Variants in ADAMTS18 observed in about 807,000 individuals in gnomAD.
ADAMTS18 encodes A disintegrin and metalloproteinase with thrombospondin motifs 18.
A neutral mutation model predicts 165.9 loss-of-function variants in ADAMTS18; 157 were observed. That is an observed-to-expected ratio of 0.95 (90% confidence interval 0.83 to 1.08). ADAMTS18 has a LOEUF of 1.08. ADAMTS18 is among the 50% of genes least tolerant of loss of function. The probability of loss-of-function intolerance (pLI) is 0.00; values close to 1 mark genes in which losing one functional copy is unlikely to be tolerated. For missense variants in ADAMTS18, 2,040 were observed against 1,534.0 expected, an observed-to-expected ratio of 1.33 and a Z score of -5.51; for synonymous variants, 782 against 578.2, an observed-to-expected ratio of 1.35 and a Z score of -5.06.
At chr16:77,290,347 A>C (rs1205698409) in intron 21 of ADAMTS18, among the ~76,000 whole-genome samples, 1 of 152,214 alleles carries the variant, frequency 6.6e-6, no homozygotes, top group Non-Finnish European at 1.5e-5. Context: ...AACTTTATAA[A>C]AACAGGCAGG....
chr16:77,295,155 T>C (rs1202308364), intron 18 of ADAMTS18, 28 bp from the exon 19 acceptor site: 2 of 1,613,150 alleles, frequency 1.2e-6, no homozygotes, highest in East Asian at 2.2e-5. Flanking sequence ...ACATTACCAA[T>C]GAAGCCAAAC....
At chr16:77,373,698 C>T in intron 3 of ADAMTS18, among the ~76,000 whole-genome samples, 1 of 151,998 alleles carries the variant, frequency 6.6e-6, no homozygotes, top group Non-Finnish European at 1.5e-5. Context: ...ACCATCTGTC[C>T]CCCAAAAACC....
chr16:77,420,695 T>C (rs993796499), intron 3 of ADAMTS18, among the ~76,000 whole-genome samples: 1 of 152,242 alleles, frequency 6.6e-6, no homozygotes, highest in African/African-American at 2.4e-5. Flanking sequence ...TGTAGAGATA[T>C]TCATTAGCAT....
At chr16:77,392,634 G>A (rs1021812792) in intron 3 of ADAMTS18, among the ~76,000 whole-genome samples, 6 of 152,084 alleles carry the variant, frequency 3.9e-5, no homozygotes, top group Non-Finnish European at 8.8e-5. Flanking sequence ...ACACTAGAGT[G>A]CAGGCACCAG....
chr16:77,349,603 C>G (rs148057422), intron 10 of ADAMTS18, among the ~76,000 whole-genome samples: 21 of 150,014 alleles, frequency 1.4e-4, no homozygotes, highest in African/African-American at 4.9e-4. Context: ...CTACCCTGCT[C>G]TTACATGAAA....
chr16:77,396,142 T>C (rs1342793332), intron 3 of ADAMTS18, among the ~76,000 whole-genome samples: 1 of 152,204 alleles, frequency 6.6e-6, no homozygotes, highest in African/African-American at 2.4e-5. Flanking sequence ...GACCAAGCTC[T>C]GTTACTAAAT....
chr16:77,398,981 T>C (rs574109822), intron 3 of ADAMTS18, among the ~76,000 whole-genome samples: 102 of 152,246 alleles, frequency 6.7e-4, no homozygotes, highest in African/African-American at 2.3e-3. Flanking sequence ...TATGTAGAAA[T>C]AGAACTGACA....
chr16:77,429,123 G>A (rs1003004064), intron 3 of ADAMTS18, among the ~76,000 whole-genome samples: 3 of 152,146 alleles, frequency 2.0e-5, no homozygotes, highest in African/African-American at 7.2e-5. Flanking sequence ...CTACCATAAA[G>A]ACACATGCAT....
intron 17 of ADAMTS18, 166 bp downstream of exon 17, chr16:77,300,097 G>A: frequency 1.3e-6 from 1 of 778,548 alleles, no homozygotes; most frequent in Non-Finnish European, 2.0e-6. Context: ...TACCACATAG[G>A]AAAACCCTTA....
At position 77,353,744 on chromosome 16, in the gene ADAMTS18, C is replaced by G. The variant is rs755079078; in HGVS notation, c.1603G>C (p.Gly535Arg). 2.5e-6 allele frequency: 4 copies of G among 1,614,110 alleles called. No individual in the cohort carries two copies. In the South Asian group the frequency reaches 4.4e-5, roughly 18 times the overall value. Residue 535 changes from glycine (G) to arginine (R), a missense_variant, in exon 10 of 23, where the codon GGT becomes CGT. Transcript: ENST00000282849. Reference sequence around the variant, plus strand: ...ACAAGCAAACATACCTTCACAAAACCAAGGCTGCATAACTTGGCTTTTGCT... The same window carrying G: ...ACAAGCAAACATACCTTCACAAAACGAAGGCTGCATAACTTGGCTTTTGCT... ...FGAKAKLCSL[G>R]FVKDICKSLW...
chr16:77,373,385 G>A (rs950809593), intron 3 of ADAMTS18, among the ~76,000 whole-genome samples: 2 of 151,832 alleles, frequency 1.3e-5, no homozygotes, highest in African/African-American at 4.8e-5. Flanking sequence ...CTTGAACACG[G>A]GAGGCGGAGG....
chr16:77,424,106 A>G (rs138232979), intron 3 of ADAMTS18, among the ~76,000 whole-genome samples: 1 of 152,320 alleles, frequency 6.6e-6, no homozygotes, highest in African/African-American at 2.4e-5. Flanking sequence ...GCCCAGAGAC[A>G]TGAAGGAAGC....
Position 77,364,328 on chromosome 16 carries a change from T to C in ADAMTS18, c.832A>G (p.Ser278Gly). The change falls in exon 5 of 23, where the codon AGC becomes GGC. Residue 278 changes from serine (S) to glycine (G), a missense_variant. By Grantham distance (56) the Ser-to-Gly change is moderately conservative. Transcript: ENST00000282849. The stretch of plus-strand genomic sequence containing the variant: ...GCTGATCTTCTGGGTCGCCCAGAGC[T>C]CCCATATTCATCAAACCTTAGATAG... Reference protein sequence around the residue: ...DTYLRFDEYGSSGRPRRSAGK... With the variant: ...DTYLRFDEYGGSGRPRRSAGK... 6.2e-7 allele frequency: 1 copy of C among 1,613,798 alleles called. No homozygotes were observed. The highest frequency in any genetic ancestry group is 8.5e-7 in the Non-Finnish European group (1 of 1,179,982).
intron 3 of ADAMTS18, among the ~76,000 whole-genome samples, chr16:77,390,286 A>C (rs1472741061): frequency 6.6e-6 from 1 of 152,230 alleles, no homozygotes; most frequent in Non-Finnish European, 1.5e-5. Flanking sequence ...GGGTTCAACT[A>C]CTGGTAATAT....
chr16:77,344,478 G>C (rs2056446471), intron 10 of ADAMTS18, among the ~76,000 whole-genome samples: 1 of 152,062 alleles, frequency 6.6e-6, no homozygotes, highest in Non-Finnish European at 1.5e-5. Context: ...ATCAATGTGG[G>C]TAAGAGAGCC....
At chr16:77,400,362 C>T (rs2057309899) in intron 3 of ADAMTS18, among the ~76,000 whole-genome samples, 1 of 151,688 alleles carries the variant, frequency 6.6e-6, no homozygotes, top group African/African-American at 2.4e-5. Flanking sequence ...GAGTTAAGAC[C>T]CCTGGGACTA....
chr16:77,386,764 T>A (rs1426350001), intron 3 of ADAMTS18, among the ~76,000 whole-genome samples: 1 of 152,182 alleles, frequency 6.6e-6, no homozygotes, highest in African/African-American at 2.4e-5. Flanking sequence ...AGCTAAGAAA[T>A]CCATATATAC....
At chr16:77,404,030 G>T (rs936249031) in intron 3 of ADAMTS18, among the ~76,000 whole-genome samples, 12 of 112,290 alleles carry the variant, frequency 1.1e-4, no homozygotes, top group Non-Finnish European at 1.8e-5. Flanking sequence ...CCTCCCTACC[G>T]TCCTCCCTTC....
chr16:77,397,073 T>G (rs1438809174), intron 3 of ADAMTS18, among the ~76,000 whole-genome samples: 1 of 152,152 alleles, frequency 6.6e-6, no homozygotes, highest in African/African-American at 2.4e-5. Context: ...CCTCCCAAAG[T>G]GCTGGAATTT....
Sources: allele counts gnomAD v4.1 joint callset (sites outside exome capture counted in the v4.1 genomes callset), GRCh38; gene constraint gnomAD v4.1.1; transcripts MANE v1.5; gene names NCBI Gene and HGNC (gene_info 2026-07-23, HGNC 2026-07-21).